The following ARHGEF17 variants were observed in gnomAD, a reference collection of about 807,000 sequenced individuals.
The protein encoded by ARHGEF17 is Rho guanine nucleotide exchange factor 17.
A neutral mutation model predicts 174.0 loss-of-function variants in ARHGEF17; 80 were observed. That is an observed-to-expected ratio of 0.46 (90% CI 0.38 to 0.55). ARHGEF17 has a LOEUF of 0.55. Ranked by LOEUF, ARHGEF17 falls within the 20% of genes least tolerant of loss-of-function variation. The probability of loss-of-function intolerance (pLI) is 0.00; values close to 1 mark genes in which losing one functional copy is unlikely to be tolerated. For synonymous variants in ARHGEF17, 1,311 were observed against 1,189.1 expected, an observed-to-expected ratio of 1.10 and a Z score of -2.11; for missense variants, 2,886 against 2,839.7, an observed-to-expected ratio of 1.02 and a Z score of -0.37.
At chr11:73,333,772 G>A (rs1396616924) in intron 1 of ARHGEF17, among the ~76,000 whole-genome samples, 1 of 152,146 alleles carries the variant, frequency 6.6e-6, no homozygotes, top group Non-Finnish European at 1.5e-5. Context: ...AGCTACAGTG[G>A]GAGAGCTCCA....
chr11:73,362,787 C>A (rs1865769715), intron 14 of ARHGEF17, 53 bp downstream of exon 14: 2 of 1,561,954 alleles, frequency 1.3e-6, no homozygotes, highest in Non-Finnish European at 1.7e-6. Flanking sequence ...GGTGGACTGC[C>A]CAGAGGAGGG....
intron 1 of ARHGEF17, among the ~76,000 whole-genome samples, chr11:73,337,916 AC>A (rs1242365304): frequency 6.6e-6 from 1 of 152,094 alleles, no homozygotes; most frequent in African/African-American, 2.4e-5. Flanking sequence ...GCATACACGC[AC>A]CCACCTAAGC....
intron 1 of ARHGEF17, 21 bp from the exon 2 acceptor site, chr11:73,346,862 C>G (rs747996011): frequency 6.9e-7 from 1 of 1,452,836 alleles, no homozygotes; most frequent in East Asian, 2.7e-5. Context: ...CCCTGTTCAC[C>G]CTCTGCTCCT....
rs994846799 is a variant in ARHGEF17, at chr11:73,311,083, C to T, written c.2445C>T (p.Asp815=). 5.0e-6 allele frequency: 8 copies of T among 1,609,810 alleles called. No individual in the cohort carries two copies. The highest frequency in any genetic ancestry group is 3.3e-5 in the Admixed American group (2 of 59,824). The change falls in exon 1 of 21, where the codon GAC becomes GAT. Residue 815 remains aspartate, a synonymous_variant. Coordinates refer to ENST00000263674, the MANE Select transcript of ARHGEF17 (RefSeq NM_014786.4). The stretch of plus-strand genomic sequence containing the variant: ...CTGGCACCCTGGGGCGTGTGGTGGA[C>T]GACAGGATTGCTGGCAAAGCCCCCA... The part of the protein sequence containing the change: ...QGPGTLGRVV[D]DRIAGKAPKK...
At position 73,363,757 on chromosome 11, in the gene ARHGEF17, T is replaced by C. The variant is rs1235703044; in HGVS notation, c.5257T>C (p.Tyr1753His). ...LGTEDGCVHV[Y>H]QSSDSIRDRR... ...TACCCCGATCCACAGTGTCCACGTG[T>C]ACCAGTCCTCCGACAGCATCCGTGA... The change falls in exon 16 of 21, where the codon TAC (tyrosine) becomes CAC (histidine). Residue 1753 changes from tyrosine (Y) to histidine (H), a missense_variant. Physicochemically the swap from Tyr to His is moderately conservative, Grantham distance 83. Around this residue, in one of 4 missense-constraint regions of ARHGEF17, gnomAD observed 329 missense variants for 435.2 expected, o/e 0.76. Transcript: ENST00000263674. The C allele has an allele frequency of 6.2e-7, 1 of 1,613,924 alleles. No individual in the cohort carries two copies. The highest frequency in any genetic ancestry group is 2.2e-5 in the East Asian group (1 of 44,898).
chr11:73,345,150 C>T lies in ARHGEF17; in HGVS notation c.3193-1733C>T, dbSNP rs910023144. Among the ~76,000 whole-genome samples the T allele has an allele frequency of 3.3e-5, 5 of 152,158 alleles. No homozygotes were observed. In the East Asian group the frequency reaches 7.7e-4, roughly 23 times the overall value. On this transcript the variant is annotated intron_variant, in intron 1 of 20. Transcript: ENST00000263674. Reference sequence around the variant, plus strand: ...TCTCCATCCTACAGTGAGCCTTGCTCGCACTGCCTCCTTCTGGAAGCTGCC... The same window carrying T: ...TCTCCATCCTACAGTGAGCCTTGCTTGCACTGCCTCCTTCTGGAAGCTGCC...
intron 2 of ARHGEF17, among the ~76,000 whole-genome samples, chr11:73,348,971 C>T (rs866514538): frequency 6.6e-6 from 1 of 152,034 alleles, no homozygotes; most frequent in Non-Finnish European, 1.5e-5. Flanking sequence ...GAGGGTATGT[C>T]AGGGACAAAG....
intron 2 of ARHGEF17, among the ~76,000 whole-genome samples, chr11:73,348,892 G>T (rs1251991314): frequency 6.6e-6 from 1 of 152,134 alleles, no homozygotes; most frequent in Non-Finnish European, 1.5e-5. Context: ...CTGGGGTTGG[G>T]GTATTTAGCT....
chr11:73,356,472 G>A, intron 6 of ARHGEF17, 121 bp downstream of exon 6: 1 of 1,309,716 alleles, frequency 7.6e-7, no homozygotes, highest in Non-Finnish European at 1.0e-6. Context: ...GAACCACAGT[G>A]TGTTTGCATC....
In ARHGEF17 at chr11:73,365,943, C is replaced by T; in HGVS notation, c.5991C>T (p.Asp1997=). The change falls in exon 20 of 21, where the codon GAC becomes GAT. Residue 1997 remains aspartate, a synonymous_variant. Transcript: ENST00000263674. The surrounding 1 kb of genome is among the most constrained non-coding windows in gnomAD (Gnocchi z 4.9). ...GCCCAACCCCACCACCTCCCCCAGA[C>T]ACAGGTGGGTCAGTGCATCATACCC... ...LLCPTPPPPP[D]TGPEKLPSLE... 1 of 1,601,162 alleles carries T rather than the reference C, an allele frequency of 6.2e-7. No individual in the cohort carries two copies. Among genetic ancestry groups the T allele is most frequent in the Non-Finnish European group, 8.5e-7 (1 of 1,178,478 alleles).
intron 1 of ARHGEF17, among the ~76,000 whole-genome samples, chr11:73,321,416 G>T (rs919001023): frequency 1.3e-5 from 2 of 152,230 alleles, no homozygotes; most frequent in Non-Finnish European, 2.9e-5. Flanking sequence ...CAGTGAGTCT[G>T]AGTGTCTGTA....
intron 3 of ARHGEF17, among the ~76,000 whole-genome samples, chr11:73,354,636 C>A (rs953092152): frequency 1.3e-5 from 2 of 151,874 alleles, no homozygotes; most frequent in Non-Finnish European, 2.9e-5. Flanking sequence ...ATCGCCCGAA[C>A]CTGGGTGGCG....
chr11:73,353,275 C>T, intron 3 of ARHGEF17: 1 of 538,744 alleles, frequency 1.9e-6, no homozygotes, highest in Non-Finnish European at 3.3e-6. Flanking sequence ...CTGGACCCTA[C>T]CCCGCTCCTG....
At chr11:73,348,581 A>AG (rs1865502488) in intron 2 of ARHGEF17, among the ~76,000 whole-genome samples, 2 of 152,162 alleles carry the variant, frequency 1.3e-5, no homozygotes, top group Admixed American at 1.3e-4. Context: ...CAGAGATGGA[A>AG]GGTAGGATGG....
In ARHGEF17 at chr11:73,310,952, A is replaced by G. The variant is rs1295881990; in HGVS notation, c.2314A>G (p.Thr772Ala). The G allele has an allele frequency of 6.2e-7, 1 of 1,613,888 alleles. No individual in the cohort carries two copies. The highest frequency in any genetic ancestry group is 1.3e-5 in the African/African-American group (1 of 74,868). The change falls in exon 1 of 21, where the codon ACC (threonine) becomes GCC (alanine). Residue 772 changes from threonine (T) to alanine (A), a missense_variant. By Grantham distance (58) the Thr-to-Ala change is moderately conservative. Around this residue, in one of 4 missense-constraint regions of ARHGEF17, gnomAD observed 1,728 missense variants for 1,461.2 expected, o/e 1.18. Transcript: ENST00000263674. ...GAGCCCCAAGACAGGGCTCCCTGCC[A>G]CCTCAGCCATGGATGAGGGCTTGAC... Reference protein sequence around the residue: ...SLSPKTGLPATSAMDEGLTSG... With the variant: ...SLSPKTGLPAASAMDEGLTSG...
chr11:73,312,632 G>A (rs1864857665), intron 1 of ARHGEF17, among the ~76,000 whole-genome samples: 1 of 152,148 alleles, frequency 6.6e-6, no homozygotes, highest in Admixed American at 6.5e-5. Flanking sequence ...GGAGGATAGA[G>A]GCAGGGAGGG....
chr11:73,362,307 T>G, intron 13 of ARHGEF17, 68 bp downstream of exon 13: 1 of 1,451,356 alleles, frequency 6.9e-7, no homozygotes, highest in Non-Finnish European at 9.0e-7. Context: ...CCCAGCACAC[T>G]CTCAGGCCGC....
In ARHGEF17 at chr11:73,308,348, A is replaced by G; in HGVS notation, c.-291A>G. The stretch of plus-strand genomic sequence containing the variant: ...CAGAGTCGAGGAACCAAGCGCTGGG[A>G]TCCCGCCCAGGCGGTGCCGCGGTGC... On this transcript the variant is annotated 5_prime_UTR_variant, in exon 1 of 21. Transcript: ENST00000263674. The G allele has an allele frequency of 2.9e-6, 1 of 339,226 alleles. No homozygotes were observed. Among genetic ancestry groups the G allele is most frequent in the Non-Finnish European group, 5.3e-6 (1 of 188,222 alleles). The allele number at this position is 339,226 out of a possible 1,614,324, so 21.0% of individuals were successfully genotyped here.
chr11:73,310,115 A>T lies in ARHGEF17; in HGVS notation c.1477A>T (p.Ser493Cys). The change falls in exon 1 of 21, where the codon AGC becomes TGC. Residue 493 changes from serine to cysteine, a missense_variant. Ser to Cys is a moderately radical substitution (Grantham distance 112, BLOSUM62 -1). Coordinates refer to ENST00000263674, the MANE Select transcript of ARHGEF17 (RefSeq NM_014786.4). ...SELRVRKPGG[S>C]SGDRGSNPLD... ...GCTGAGGGTCCGAAAACCTGGTGGG[A>T]GCTCCGGGGACCGTGGAAGCAACCC... 1 of 1,613,998 alleles carries T rather than the reference A, an allele frequency of 6.2e-7. No individual in the cohort carries two copies. Among genetic ancestry groups the T allele is most frequent in the Non-Finnish European group, 8.5e-7 (1 of 1,180,008 alleles).
Sources: allele counts gnomAD v4.1 joint callset (sites outside exome capture counted in the v4.1 genomes callset), GRCh38; gene constraint gnomAD v4.1.1; regional missense constraint gnomAD v4.1.1; non-coding constraint Gnocchi (gnomAD v3.1); transcripts MANE v1.5; gene names NCBI Gene and HGNC (gene_info 2026-07-23, HGNC 2026-07-21).